Variants in NEK1 observed in about 807,000 individuals in gnomAD.
The protein encoded by NEK1 is NIMA related kinase 1.
In NEK1, 137 loss-of-function variants were observed where a neutral mutation model predicts 182.1. The ratio of observed to expected loss-of-function variants is 0.75; its 90% confidence interval spans 0.65 to 0.87. The LOEUF (loss-of-function observed/expected upper bound fraction) is 0.87. Among genes scored for constraint, NEK1 ranks in the 40% least tolerant of loss-of-function variants. The probability of loss-of-function intolerance (pLI) is 0.00; values close to 1 mark genes in which losing one functional copy is unlikely to be tolerated. For synonymous variants in NEK1, 513 were observed against 492.2 expected (o/e 1.04, Z -0.56); for missense variants, 1,391 against 1,494.4 (o/e 0.93, Z 1.14).
At chr4:169,485,475 T>C (rs531882267) in intron 23 of NEK1, among the ~76,000 whole-genome samples, 189 of 152,322 alleles carry the variant, frequency 1.2e-3, no homozygotes, top group South Asian at 7.3e-3. Context: ...TTAAAGCTTT[T>C]CAATATTAAC....
chr4:169,545,315 G>A (rs2149850367), intron 18 of NEK1, among the ~76,000 whole-genome samples: 1 of 150,292 alleles, frequency 6.7e-6, no homozygotes, highest in Non-Finnish European at 1.5e-5. Context: ...TTGGTTTTTT[G>A]TTCTTGCGAT....
chr4:169,486,296 G>A (rs960194541), intron 23 of NEK1, among the ~76,000 whole-genome samples: 1 of 151,880 alleles, frequency 6.6e-6, no homozygotes, highest in African/African-American at 2.4e-5. Context: ...TCTACTTCAC[G>A]TGTCAATTTT....
At chr4:169,570,059 C>T (rs553802362) in intron 12 of NEK1, among the ~76,000 whole-genome samples, 1 of 151,648 alleles carries the variant, frequency 6.6e-6, no homozygotes, top group South Asian at 2.1e-4. Context: ...GCGCCTCTTC[C>T]CGGCCGCCAT....
chr4:169,488,635 T>C (rs375634702), intron 23 of NEK1, among the ~76,000 whole-genome samples: 6 of 152,296 alleles, frequency 3.9e-5, no homozygotes, highest in African/African-American at 1.4e-4. Flanking sequence ...CAAGGAAATA[T>C]ACGTGGTTTT....
intron 27 of NEK1, among the ~76,000 whole-genome samples, chr4:169,441,918 T>A (rs753078037): frequency 1.3e-5 from 2 of 152,062 alleles, no homozygotes; most frequent in Non-Finnish European, 2.9e-5. Flanking sequence ...CCCACCTCTG[T>A]CCGCCACCAC....
At chr4:169,472,069 G>C (rs1222213779) in intron 26 of NEK1, among the ~76,000 whole-genome samples, 1 of 152,058 alleles carries the variant, frequency 6.6e-6, no homozygotes, top group Non-Finnish European at 1.5e-5. Flanking sequence ...GGGATCCGCT[G>C]AGCAATACCA....
intron 29 of NEK1, among the ~76,000 whole-genome samples, chr4:169,430,858 G>A (rs1233963513): frequency 6.6e-6 from 1 of 151,672 alleles, no homozygotes; most frequent in Non-Finnish European, 1.5e-5. Context: ...AAAATTGTTG[G>A]GGGTGGGGAG....
intron 23 of NEK1, among the ~76,000 whole-genome samples, chr4:169,484,775 C>T (rs1372359942): frequency 6.6e-6 from 1 of 152,104 alleles, no homozygotes; most frequent in African/African-American, 2.4e-5. Context: ...ACTCACCAGT[C>T]CTGTGATTTT....
Position 169,394,473 on chromosome 4 carries a change from C to A in NEK1, c.*37G>T. On this transcript the variant is annotated 3_prime_UTR_variant, in exon 36 of 36. Transcript: ENST00000507142. ...TATTCTGATAAGCCAAATTCAAATG[C>A]TTTCATATAGTTGAGGATTAAAAAA... 7.7e-7 allele frequency: 1 copy of A among 1,292,284 alleles called. No individual in the cohort carries two copies. Among genetic ancestry groups the A allele is most frequent in the South Asian group, 1.4e-5 (1 of 73,742 alleles). 80.1% of individuals were successfully genotyped at this position (1,292,284 alleles called of 1,614,324 possible).
At chr4:169,556,327 A>C (rs1347817502) in intron 16 of NEK1, among the ~76,000 whole-genome samples, 4 of 152,208 alleles carry the variant, frequency 2.6e-5, no homozygotes, top group African/African-American at 9.6e-5. Context: ...TGACAAACAA[A>C]AACAGCAAAA....
intron 11 of NEK1, among the ~76,000 whole-genome samples, chr4:169,578,873 G>A (rs1476169886): frequency 6.6e-6 from 1 of 152,052 alleles, no homozygotes; most frequent in Non-Finnish European, 1.5e-5. Flanking sequence ...TCTTGACCCA[G>A]AAACCAGGAA....
chr4:169,447,059 G>C (rs1326418832), intron 27 of NEK1, among the ~76,000 whole-genome samples: 1 of 152,124 alleles, frequency 6.6e-6, no homozygotes, highest in Non-Finnish European at 1.5e-5. Flanking sequence ...CCTGAACCTA[G>C]AAAAAGATAC....
intron 35 of NEK1, among the ~76,000 whole-genome samples, chr4:169,397,915 G>A (rs937922013): frequency 6.6e-6 from 1 of 152,146 alleles, no homozygotes; most frequent in Non-Finnish European, 1.5e-5. Flanking sequence ...CTTATGAAAA[G>A]CTCTATTGAA....
intron 31 of NEK1, among the ~76,000 whole-genome samples, chr4:169,409,803 G>A (rs186232844): frequency 1.1e-4 from 16 of 152,134 alleles, no homozygotes; most frequent in Non-Finnish European, 2.2e-4. Context: ...AATTACGGCC[G>A]TTCTTGCAGG....
In NEK1 at chr4:169,394,269, T is replaced by C. The variant is rs1157407548; in HGVS notation, c.*241A>G. ...TGTTTCCTATGCTTTGGTTGGATGA[T>C]TTAATAAAGTATATATTTTATGAGA... is the stretch of plus-strand genomic sequence containing the variant. On this transcript the variant is annotated 3_prime_UTR_variant, in exon 36 of 36. Transcript: ENST00000507142. 4 of 358,566 alleles carry C rather than the reference T, an allele frequency of 1.1e-5. No individual in the cohort carries two copies. Among genetic ancestry groups the C allele is most frequent in the African/African-American group, 8.6e-5 (4 of 46,690 alleles). The allele number at this position is 358,566 out of a possible 1,614,324, so 22.2% of individuals were successfully genotyped here. A position where few individuals can be genotyped will look rare whatever the true frequency, so the allele number is the denominator to read the frequency against.
Position 169,401,707 on chromosome 4 carries a change from T to G in NEK1, c.3528A>C (p.Ala1176=), listed in dbSNP as rs755006112. 6.2e-7 allele frequency: 1 copy of G among 1,613,966 alleles called. No homozygotes were observed. Among genetic ancestry groups the G allele is most frequent in the Non-Finnish European group, 8.5e-7 (1 of 1,179,832 alleles). Reference sequence around the variant, plus strand: ...CACTGCTGGGATTGTCATCTTCATCTGCCACATCTGTCCCATTTGCAGTTG... The same window carrying G: ...CACTGCTGGGATTGTCATCTTCATCGGCCACATCTGTCCCATTTGCAGTTG... ...VEPTANGTDV[A]DEDDNPSSES... The change falls in exon 33 of 36, where the codon GCA becomes GCC. Residue 1176 remains alanine, a synonymous_variant. Coordinates refer to ENST00000507142, the MANE Select transcript of NEK1 (RefSeq NM_001199397.3).
intron 23 of NEK1, among the ~76,000 whole-genome samples, chr4:169,504,493 C>T (rs2149680563): frequency 6.6e-6 from 1 of 152,244 alleles, no homozygotes; most frequent in South Asian, 2.1e-4. Context: ...TGTCCATCAA[C>T]AGATGAGTGG....
intron 12 of NEK1, among the ~76,000 whole-genome samples, chr4:169,570,713 G>A (rs1040213558): frequency 3.3e-5 from 5 of 152,198 alleles, no homozygotes; most frequent in African/African-American, 4.8e-5. Flanking sequence ...TATGATGACA[G>A]TGGCGGTTTT....
intron 31 of NEK1, among the ~76,000 whole-genome samples, chr4:169,422,718 C>T (rs1735696371): frequency 1.3e-5 from 2 of 152,138 alleles, no homozygotes; most frequent in African/African-American, 4.8e-5. Flanking sequence ...ATCTGCATTG[C>T]TGCTTCTAAT....
Sources: allele counts gnomAD v4.1 joint callset (sites outside exome capture counted in the v4.1 genomes callset), GRCh38; gene constraint gnomAD v4.1.1; transcripts MANE v1.5; gene names NCBI Gene and HGNC (gene_info 2026-07-23, HGNC 2026-07-21).